Variants in ARHGAP25 observed in about 807,000 individuals in gnomAD.
ARHGAP25 encodes the protein rho GTPase-activating protein 25.
ARHGAP25 carries 34 observed loss-of-function variants against 71.0 expected under a neutral mutation model. That is an observed-to-expected ratio of 0.48 (90% CI 0.36 to 0.64). ARHGAP25 has a LOEUF of 0.64. ARHGAP25 is among the 30% of genes least tolerant of loss of function. The pLI, the probability that ARHGAP25 is intolerant of heterozygous loss-of-function variation, is 0.00. For missense variants in ARHGAP25, 706 were observed against 805.1 expected (o/e 0.88, Z 1.49); for synonymous variants, 282 against 296.5 (o/e 0.95, Z 0.50).
upstream of ARHGAP25, among the ~76,000 whole-genome samples, chr2:68,734,173 T>G (rs1427043217): frequency 6.6e-6 from 1 of 152,218 alleles, no homozygotes; most frequent in African/African-American, 2.4e-5. Context: ...AAAAACCCTT[T>G]GAGTTGTGGT....
chr2:68,796,526 A>G (rs1679548519), intron 4 of ARHGAP25, among the ~76,000 whole-genome samples: 2 of 152,172 alleles, frequency 1.3e-5, no homozygotes, highest in Admixed American at 1.3e-4. Context: ...AGATGTGACT[A>G]TGATGTTGGT....
At chr2:68,745,240 C>T (rs1198708983) in intron 1 of ARHGAP25, among the ~76,000 whole-genome samples, 1 of 152,192 alleles carries the variant, frequency 6.6e-6, no homozygotes, top group African/African-American at 2.4e-5. Context: ...CTCCAACCAG[C>T]TCAGCCACTC....
At chr2:68,804,466 A>G (rs553032965) in intron 4 of ARHGAP25, among the ~76,000 whole-genome samples, 1 of 152,324 alleles carries the variant, frequency 6.6e-6, no homozygotes, top group South Asian at 2.1e-4. Context: ...ATTTGGTGAA[A>G]AGATCTGTCC....
intron 5 of ARHGAP25, among the ~76,000 whole-genome samples, chr2:68,809,477 G>C (rs2103640436): frequency 6.6e-6 from 1 of 152,308 alleles, no homozygotes; most frequent in South Asian, 2.1e-4. Flanking sequence ...TGGCCTGGGA[G>C]TGGGAGAGGA....
Position 68,735,195 on chromosome 2 carries a change from G to T in ARHGAP25, c.-5G>T. 6.2e-7 allele frequency: 1 copy of T among 1,613,792 alleles called. No homozygotes were observed. The highest frequency in any genetic ancestry group is 8.5e-7 in the Non-Finnish European group (1 of 1,179,640). ...CACTAACTACTCACTTAAACTGGAA[G>T]CAAAATGTCCCTAAAATTGCCAAGG... On this transcript the variant is annotated 5_prime_UTR_variant, in exon 1 of 11. Coordinates refer to ENST00000409202, the MANE Select transcript of ARHGAP25 (RefSeq NM_001007231.3).
chr2:68,745,822 C>T (rs1358896650), intron 1 of ARHGAP25, among the ~76,000 whole-genome samples: 1 of 152,170 alleles, frequency 6.6e-6, no homozygotes, highest in Non-Finnish European at 1.5e-5. Context: ...TTTCAAGATC[C>T]ATGTCTGGTG....
chr2:68,763,804 T>C (rs374238099), intron 1 of ARHGAP25, among the ~76,000 whole-genome samples: 3 of 152,204 alleles, frequency 2.0e-5, no homozygotes, highest in Non-Finnish European at 2.9e-5. Context: ...CTCTTCACTG[T>C]TTCCATGGTG....
intron 1 of ARHGAP25, among the ~76,000 whole-genome samples, chr2:68,748,830 G>A (rs1675990685): frequency 1.3e-5 from 2 of 152,206 alleles, no homozygotes; most frequent in Admixed American, 1.3e-4. Flanking sequence ...ACTGAACAGA[G>A]CTACAAGGGG....
Position 68,826,240 on chromosome 2 carries a change from T to C in ARHGAP25, c.*46T>C. On this transcript the variant is annotated 3_prime_UTR_variant, in exon 11 of 11. Coordinates refer to ENST00000409202, the MANE Select transcript of ARHGAP25 (RefSeq NM_001007231.3). ...GGACAGCCCCAGAGAGGCCCAACTC[T>C]GGCCCCTTTCTCAGTGCTATCTGAT... 1 of 1,569,568 alleles carries C rather than the reference T, an allele frequency of 6.4e-7. No individual in the cohort carries two copies. The highest frequency in any genetic ancestry group is 1.1e-5 in the South Asian group (1 of 90,130).
intron 6 of ARHGAP25, 136 bp from the exon 7 acceptor site, chr2:68,816,153 G>A: frequency 1.3e-6 from 1 of 766,514 alleles, no homozygotes; most frequent in South Asian, 1.4e-5. Context: ...TAAACCCACA[G>A]AACTACAGGA....
At chr2:68,714,335 C>T (rs774033961) in intron 2 of ARHGAP25, among the ~76,000 whole-genome samples, 10 of 152,102 alleles carry the variant, frequency 6.6e-5, no homozygotes, top group Non-Finnish European at 1.2e-4. Flanking sequence ...GTGATATCCC[C>T]TTTTTCATTT....
intron 2 of ARHGAP25, among the ~76,000 whole-genome samples, chr2:68,720,486 G>A (rs566971662): frequency 6.6e-4 from 101 of 152,072 alleles, no homozygotes; most frequent in Non-Finnish European, 1.4e-3. Context: ...ACAAGTTCTG[G>A]ATGCATAATG....
At chr2:68,724,144 C>A (rs575350168) in intron 2 of ARHGAP25, among the ~76,000 whole-genome samples, 2 of 152,198 alleles carry the variant, frequency 1.3e-5, no homozygotes, top group East Asian at 3.9e-4. Context: ...CTGAGAAGGA[C>A]CGTCAGATGA....
upstream of ARHGAP25, among the ~76,000 whole-genome samples, chr2:68,730,718 G>C (rs1231768045): frequency 6.6e-6 from 1 of 151,918 alleles, no homozygotes; most frequent in African/African-American, 2.4e-5. Flanking sequence ...TCAGACCCTG[G>C]CCCCAGCAGC....
chr2:68,740,724 A>T (rs1401432826), intron 1 of ARHGAP25, among the ~76,000 whole-genome samples: 1 of 152,228 alleles, frequency 6.6e-6, no homozygotes, highest in Non-Finnish European at 1.5e-5. Flanking sequence ...AACATTTCTG[A>T]ACATGCATAT....
chr2:68,817,634 C>T, intron 7 of ARHGAP25, among the ~76,000 whole-genome samples: 1 of 152,142 alleles, frequency 6.6e-6, no homozygotes, highest in East Asian at 1.9e-4. Flanking sequence ...TTATGTGATT[C>T]CATTCACCTC....
chr2:68,781,101 A>C (rs528727047), intron 2 of ARHGAP25, among the ~76,000 whole-genome samples: 1 of 152,238 alleles, frequency 6.6e-6, no homozygotes, highest in South Asian at 2.1e-4. Flanking sequence ...GAATTATCTC[A>C]AGTGGGCCAG....
chr2:68,756,847 A>C (rs1676509452), intron 1 of ARHGAP25, among the ~76,000 whole-genome samples: 1 of 152,208 alleles, frequency 6.6e-6, no homozygotes, highest in South Asian at 2.1e-4. Flanking sequence ...ACCTGATGGC[A>C]CATCTACTAG....
intron 1 of ARHGAP25, among the ~76,000 whole-genome samples, chr2:68,735,711 AG>A (rs1675178506): frequency 6.6e-6 from 1 of 152,228 alleles, no homozygotes; most frequent in Non-Finnish European, 1.5e-5. Flanking sequence ...AAAAGGTAGT[AG>A]CAAAAGGTAG....
Sources: gnomAD v4.1 joint callset for allele counts (sites outside exome capture counted in the v4.1 genomes callset) on GRCh38, gnomAD v4.1.1 for gene constraint, MANE v1.5 for transcripts, NCBI Gene and HGNC (gene_info 2026-07-23, HGNC 2026-07-21) for gene names.